The following CACNA2D3 variants were observed in gnomAD, a reference collection of about 807,000 sequenced individuals.
The protein encoded by CACNA2D3 is voltage-dependent calcium channel subunit alpha-2/delta-3.
A neutral mutation model predicts 160.6 loss-of-function variants in CACNA2D3; 60 were observed. The observed-to-expected ratio is 0.37, with a 90% CI of 0.30 to 0.46. The LOEUF (loss-of-function observed/expected upper bound fraction) is 0.46, where lower values mean the gene tolerates loss of function less well. Among genes scored for constraint, CACNA2D3 ranks in the 20% least tolerant of loss-of-function variants. CACNA2D3 has a pLI of 1.00. For synonymous variants in CACNA2D3, 558 were observed against 492.9 expected (o/e 1.13, Z -1.75); for missense variants, 1,205 against 1,365.0 (o/e 0.88, Z 1.85).
At chr3:54,843,330 G>A (rs148231581) in intron 16 of CACNA2D3, among the ~76,000 whole-genome samples, 258 of 152,326 alleles carry the variant, frequency 1.7e-3, no homozygotes, top group Middle Eastern at 3.4e-3. Context: ...GCAAAGTGCA[G>A]GTCAGGAGAG....
intron 35 of CACNA2D3, among the ~76,000 whole-genome samples, chr3:55,018,935 T>C (rs1212911076): frequency 6.6e-6 from 1 of 151,226 alleles, no homozygotes; most frequent in African/African-American, 2.4e-5. Flanking sequence ...GGTTTGACTC[T>C]TTACAGATGC....
At chr3:54,180,159 GA>G in intron 2 of CACNA2D3, among the ~76,000 whole-genome samples, 1 of 143,422 alleles carries the variant, frequency 7.0e-6, no homozygotes, top group Admixed American at 7.3e-5. Context: ...CCAGAAATGT[GA>G]GTGTAACATG....
chr3:54,390,094 G>A (rs75794209), intron 4 of CACNA2D3, among the ~76,000 whole-genome samples: 4 of 152,188 alleles, frequency 2.6e-5, no homozygotes. Flanking sequence ...CATGTGGTCA[G>A]TTTTACTGAG....
At chr3:54,482,947 A>C (rs1700957371) in intron 4 of CACNA2D3, among the ~76,000 whole-genome samples, 1 of 152,186 alleles carries the variant, frequency 6.6e-6, no homozygotes, top group Non-Finnish European at 1.5e-5. Context: ...AACACCAATT[A>C]CAAGGGATGC....
chr3:54,466,877 G>C (rs898857197), intron 4 of CACNA2D3, among the ~76,000 whole-genome samples: 2 of 152,160 alleles, frequency 1.3e-5, no homozygotes, highest in Non-Finnish European at 1.5e-5. Context: ...TCATCATTTT[G>C]TGGTGTTATC....
chr3:54,345,222 A>G, intron 3 of CACNA2D3, among the ~76,000 whole-genome samples: 1 of 152,190 alleles, frequency 6.6e-6, no homozygotes, highest in East Asian at 1.9e-4. Flanking sequence ...CTGACCCTGA[A>G]TTCTTTTTTG....
chr3:55,050,281 T>C (rs1704169812), intron 35 of CACNA2D3, among the ~76,000 whole-genome samples: 1 of 151,830 alleles, frequency 6.6e-6, no homozygotes, highest in Non-Finnish European at 1.5e-5. Flanking sequence ...CTTCAGGAGC[T>C]CTTGTAAGGC....
At chr3:54,763,834 T>TATATATAC (rs1702156516) in intron 12 of CACNA2D3, among the ~76,000 whole-genome samples, 1 of 38,692 alleles carries the variant, frequency 2.6e-5, no homozygotes, top group Non-Finnish European at 5.8e-5. Context: ...CGTATATATA[T>TATATATAC]GTATATATAT....
At chr3:54,351,006 T>TTTA in intron 3 of CACNA2D3, among the ~76,000 whole-genome samples, 1 of 123,426 alleles carries the variant, frequency 8.1e-6, no homozygotes, top group Non-Finnish European at 1.6e-5. Context: ...TTTTTTTTTT[T>TTTA]GAGACAGAGT....
intron 2 of CACNA2D3, among the ~76,000 whole-genome samples, chr3:54,287,623 A>ATT (rs1186661197): frequency 2.8e-5 from 4 of 142,360 alleles, no homozygotes; most frequent in African/African-American, 1.0e-4. Flanking sequence ...CAGAATATAC[A>ATT]TTTTTTTCAG....
At position 54,837,229 on chromosome 3, in the gene CACNA2D3, C is replaced by T. The variant is rs373675901; in HGVS notation, c.1469C>T (p.Thr490Ile). 1 of 1,613,558 alleles carries T rather than the reference C, an allele frequency of 6.2e-7. No homozygotes were observed. The highest frequency in any genetic ancestry group is 1.3e-5 in the African/African-American group (1 of 74,928). Residue 490 changes from threonine (T) to isoleucine (I), a missense_variant and splice_region_variant, in exon 15 of 38, where the codon ACC (threonine) becomes ATC (isoleucine). By Grantham distance (89) the Thr-to-Ile change is moderately conservative. Transcript: ENST00000474759. ...CCTGTGTTTAGTAAGCAGAACGAAA[C>T]CGTGAGTACAGTCGCTGAGCTTCCT... Reference protein sequence around the residue: ...AMPVFSKQNETRSKGILLGVV... With the variant: ...AMPVFSKQNEIRSKGILLGVV...
chr3:54,482,112 G>C (rs1700943010), intron 4 of CACNA2D3, among the ~76,000 whole-genome samples: 1 of 152,174 alleles, frequency 6.6e-6, no homozygotes, highest in African/African-American at 2.4e-5. Flanking sequence ...CTCTAACAGT[G>C]TTTCTTTCCA....
At chr3:54,215,099 G>A in intron 2 of CACNA2D3, among the ~76,000 whole-genome samples, 1 of 152,190 alleles carries the variant, frequency 6.6e-6, no homozygotes, top group Non-Finnish European at 1.5e-5. Flanking sequence ...CAGCTCCTCA[G>A]GAGAGTAGCC....
At chr3:55,058,033 C>T (rs1417009716) in intron 35 of CACNA2D3, among the ~76,000 whole-genome samples, 1 of 152,122 alleles carries the variant, frequency 6.6e-6, no homozygotes, top group East Asian at 1.9e-4. Context: ...TAAAACATTG[C>T]CTTTCATCCA....
chr3:54,736,819 G>C (rs1215533649), intron 11 of CACNA2D3, among the ~76,000 whole-genome samples: 1 of 152,160 alleles, frequency 6.6e-6, no homozygotes, highest in South Asian at 2.1e-4. Context: ...AAAAGGTCCA[G>C]TAGCTATCAT....
chr3:54,344,223 C>T (rs1395160799), intron 3 of CACNA2D3, among the ~76,000 whole-genome samples: 1 of 152,210 alleles, frequency 6.6e-6, no homozygotes, highest in African/African-American at 2.4e-5. Context: ...GCTCCCTCCT[C>T]TGTTCCAGGG....
At chr3:55,003,645 C>T (rs541440535) in intron 31 of CACNA2D3, among the ~76,000 whole-genome samples, 9 of 152,026 alleles carry the variant, frequency 5.9e-5, no homozygotes, top group East Asian at 1.9e-4. Context: ...GAGGGGGAAA[C>T]GAGTGGGCCT....
chr3:54,985,816 C>G (rs996581493), intron 30 of CACNA2D3, among the ~76,000 whole-genome samples: 5 of 152,272 alleles, frequency 3.3e-5, no homozygotes, highest in Admixed American at 1.3e-4. Context: ...ATTGTGCTTT[C>G]ATTTCCTGTC....
chr3:54,371,855 C>T (rs1426156797), intron 3 of CACNA2D3, among the ~76,000 whole-genome samples: 1 of 152,192 alleles, frequency 6.6e-6, no homozygotes, highest in Non-Finnish European at 1.5e-5. Context: ...TTTTTAATAA[C>T]ATGTTTGGTG....
Sources: allele counts gnomAD v4.1 joint callset (sites outside exome capture counted in the v4.1 genomes callset), GRCh38; gene constraint gnomAD v4.1.1; transcripts MANE v1.5; gene names NCBI Gene and HGNC (gene_info 2026-07-23, HGNC 2026-07-21).